Variants in ARID4B observed in about 807,000 individuals in gnomAD.
ARID4B encodes the protein AT-rich interaction domain 4B.
Under a neutral mutation model 147.5 loss-of-function variants are expected in ARID4B, and 26 were observed. The ratio of observed to expected loss-of-function variants is 0.18; its 90% CI spans 0.13 to 0.24. The LOEUF (loss-of-function observed/expected upper bound fraction) is 0.24. Among genes scored for constraint, ARID4B ranks in the 10% least tolerant of loss-of-function variants. ARID4B has a pLI of 1.00. For synonymous variants in ARID4B, 512 were observed against 507.9 expected (o/e 1.01, Z -0.11); for missense variants, 1,179 against 1,511.5 (o/e 0.78, Z 3.65).
chr1:235,280,260 C>T (rs1381496391), intron 2 of ARID4B, among the ~76,000 whole-genome samples: 1 of 152,064 alleles, frequency 6.6e-6, no homozygotes, highest in Non-Finnish European at 1.5e-5. Context: ...TTGTCTTATT[C>T]TTTTTAACAT....
chr1:235,224,728 T>C lies in ARID4B; in HGVS notation c.945A>G (p.Gln315=), dbSNP rs774744972. 4.7e-5 allele frequency: 75 copies of C among 1,595,496 alleles called. No individual in the cohort carries two copies. The highest frequency in any genetic ancestry group is 1.3e-4 in the African/African-American group (10 of 74,448). The change falls in exon 12 of 24, where the codon CAA becomes CAG. Residue 315 remains glutamine, a synonymous_variant. Coordinates refer to ENST00000264183, the MANE Select transcript of ARID4B (RefSeq NM_016374.6). ...CTCTATCTTCCATAAATTTGTACAA[T>C]TGCTGAAGAAAGTTCTCCCTTTCTT... is the stretch of plus-strand genomic sequence containing the variant. ...FPEERENFLQ[Q]LYKFMEDRGT... is the part of the protein sequence containing the mutation.
intron 2 of ARID4B, among the ~76,000 whole-genome samples, chr1:235,287,164 G>T (rs1000280747): frequency 2.0e-5 from 3 of 152,170 alleles, no homozygotes; most frequent in Non-Finnish European, 4.4e-5. Context: ...GAGGCTGAGG[G>T]AGGAGAATTG....
chr1:235,219,583 G>C (rs1187418224), intron 16 of ARID4B, among the ~76,000 whole-genome samples: 1 of 152,200 alleles, frequency 6.6e-6, no homozygotes, highest in African/African-American at 2.4e-5. Flanking sequence ...ATGAGAGCAA[G>C]AAGGGTGGAT....
rs998171447 is a variant in ARID4B at position 235,172,823 on chromosome 1, A to T, written c.3665-59T>A. On this transcript the variant is annotated intron_variant, in intron 22 of 23. Transcript: ENST00000264183. ...TTAAAGAAAATTTTAACATACAAAA[A>T]GGAGAGAACATCGAGCATGGCTGCT... 2.0e-5 allele frequency: 26 copies of T among 1,327,380 alleles called. No homozygotes were observed. In the Admixed American group the frequency reaches 2.5e-4, roughly 13 times the overall value. The allele number at this position is 1,327,380 out of a possible 1,614,324, so 82.2% of individuals were successfully genotyped here.
chr1:235,175,152 T>C (rs371595913), intron 22 of ARID4B, 32 bp downstream of exon 22: 7 of 1,563,820 alleles, frequency 4.5e-6, no homozygotes, highest in Middle Eastern at 1.7e-4. Flanking sequence ...AGGATGAAGT[T>C]TGTATGCTTG....
chr1:235,323,222 T>G (rs1674974498), intron 2 of ARID4B, among the ~76,000 whole-genome samples: 1 of 151,814 alleles, frequency 6.6e-6, no homozygotes, highest in African/African-American at 2.4e-5. Flanking sequence ...ATACTTTTAG[T>G]AGAGACGGGG....
rs1663053394 is a variant in ARID4B at position 235,167,676 on chromosome 1, C to T, written c.*849G>A. On this transcript the variant is annotated 3_prime_UTR_variant, in exon 24 of 24. Coordinates refer to ENST00000264183, the MANE Select transcript of ARID4B (RefSeq NM_016374.6). ...TTATCTGTATTTAAGGGAAAAGAAA[C>T]ATTTACAAGAAAACACAAAAATATA... is the stretch of plus-strand genomic sequence containing the variant. 4.9e-6 allele frequency: 1 copy of T among 202,978 alleles called. No homozygotes were observed. Among genetic ancestry groups the T allele is most frequent in the African/African-American group, 2.3e-5 (1 of 43,634 alleles). The allele number at this position is 202,978 out of a possible 1,614,324, so 12.6% of individuals were successfully genotyped here. A position where few individuals can be genotyped will look rare whatever the true frequency, so the allele number is the denominator to read the frequency against.
Position 235,231,194 on chromosome 1 carries a change from AT to A in ARID4B, c.666-6del. On this transcript the variant is annotated splice_polypyrimidine_tract_variant and splice_region_variant and intron_variant, in intron 9 of 23. Transcript: ENST00000264183. ...TCTTTTCTTGGAACTGAAGTACTAT[AT>A]ATTTTTTTTAATTATAAGAGAAGAA... 1 of 1,521,950 alleles carries A rather than the reference AT, an allele frequency of 6.6e-7. No individual in the cohort carries two copies. 94.3% of individuals were successfully genotyped at this position (1,521,950 alleles called of 1,614,324 possible).
intron 2 of ARID4B, among the ~76,000 whole-genome samples, chr1:235,315,493 T>A (rs12040676): frequency 0.29 from 44,511 of 152,152 alleles, 7,654 homozygotes; most frequent in South Asian, 0.53. Context: ...CACATTTTAA[T>A]GGTATAAACC....
chr1:235,326,120 A>G (rs1198418281), intron 2 of ARID4B, among the ~76,000 whole-genome samples: 1 of 152,180 alleles, frequency 6.6e-6, no homozygotes, highest in Non-Finnish European at 1.5e-5. Context: ...AGACTTTTCA[A>G]AAATCTAAGG....
chr1:235,242,050 C>A (rs567610909), intron 7 of ARID4B, among the ~76,000 whole-genome samples: 2 of 151,860 alleles, frequency 1.3e-5, no homozygotes, highest in African/African-American at 2.4e-5. Flanking sequence ...GAGTTCGAGA[C>A]CAGCCTGGCC....
intron 17 of ARID4B, among the ~76,000 whole-genome samples, chr1:235,204,495 T>G (rs940661171): frequency 2.6e-5 from 4 of 151,468 alleles, no homozygotes; most frequent in African/African-American, 9.7e-5. Context: ...TATTTAAGAG[T>G]TGACATAAAC....
chr1:235,308,064 T>C (rs1673701591), intron 2 of ARID4B, among the ~76,000 whole-genome samples: 1 of 151,594 alleles, frequency 6.6e-6, no homozygotes, highest in South Asian at 2.1e-4. Flanking sequence ...TTTTATGTTT[T>C]TTCATATGAT....
intron 2 of ARID4B, among the ~76,000 whole-genome samples, chr1:235,311,359 T>C (rs1332613859): frequency 7.3e-5 from 2 of 27,252 alleles, no homozygotes; most frequent in African/African-American, 1.9e-4. Flanking sequence ...CTCAAAACAA[T>C]AATAATAATA....
intron 11 of ARID4B, among the ~76,000 whole-genome samples, chr1:235,225,405 G>C (rs932476878): frequency 6.6e-6 from 1 of 152,202 alleles, no homozygotes; most frequent in African/African-American, 2.4e-5. Flanking sequence ...CTAGCTTCTT[G>C]CTGCTGTGGC....
intron 2 of ARID4B, among the ~76,000 whole-genome samples, chr1:235,317,518 C>T (rs2103296027): frequency 6.6e-6 from 1 of 152,272 alleles, no homozygotes; most frequent in South Asian, 2.1e-4. Context: ...AAAATAACAG[C>T]CACTATGGTA....
intron 19 of ARID4B, among the ~76,000 whole-genome samples, chr1:235,186,184 G>A (rs1664667455): frequency 6.6e-6 from 1 of 152,028 alleles, no homozygotes; most frequent in South Asian, 2.1e-4. Flanking sequence ...AGCCAGGATG[G>A]TCTTGATTTC....
Position 235,220,120 on chromosome 1 carries a change from G to C in ARID4B, c.1408-152C>G, listed in dbSNP as rs984190928. ...AAACTCCTGCTACTTTAAAGCTCTA[G>C]ACAAAAATAGCTAACAGCTATTTTG... is the stretch of plus-strand genomic sequence containing the variant. On this transcript the variant is annotated intron_variant, in intron 15 of 23. Transcript: ENST00000264183. The C allele has an allele frequency of 1.2e-5, 10 of 804,878 alleles. No individual in the cohort carries two copies. In the African/African-American group the frequency reaches 1.8e-4, roughly 15 times the overall value. The allele number at this position is 804,878 out of a possible 1,614,324, so 49.9% of individuals were successfully genotyped here.
At chr1:235,310,005 T>A (rs183703467) in intron 2 of ARID4B, among the ~76,000 whole-genome samples, 3,332 of 151,778 alleles carry the variant, frequency 0.022, 55 homozygotes, top group Middle Eastern at 0.061. Flanking sequence ...TCATCACCAC[T>A]CCCTAATCTC....
Sources: gnomAD v4.1 joint callset for allele counts (sites outside exome capture counted in the v4.1 genomes callset) on GRCh38, gnomAD v4.1.1 for gene constraint, MANE v1.5 for transcripts, NCBI Gene and HGNC (gene_info 2026-07-23, HGNC 2026-07-21) for gene names.